Variants in ADAMTS17 observed in about 807,000 individuals in gnomAD.
The protein encoded by ADAMTS17 is A disintegrin and metalloproteinase with thrombospondin motifs 17.
In ADAMTS17, 113 loss-of-function variants were observed where a neutral mutation model predicts 141.5. The ratio of observed to expected loss-of-function variants is 0.80; its 90% CI spans 0.69 to 0.93. The LOEUF is 0.93. Ranked by LOEUF, ADAMTS17 falls within the 40% of genes least tolerant of loss-of-function variation. ADAMTS17 has a pLI of 0.00. For missense variants in ADAMTS17, 1,659 were observed against 1,517.9 expected, an observed-to-expected ratio of 1.09 and a Z score of -1.54; for synonymous variants, 768 against 630.6, an observed-to-expected ratio of 1.22 and a Z score of -3.27.
intron 3 of ADAMTS17, among the ~76,000 whole-genome samples, chr15:100,302,637 T>C (rs979615590): frequency 1.3e-5 from 2 of 152,232 alleles, no homozygotes; most frequent in African/African-American, 2.4e-5. Context: ...ATTTCCCTGA[T>C]GGCTGATGAT....
chr15:100,076,804 A>G (rs76399633), intron 15 of ADAMTS17, among the ~76,000 whole-genome samples: 2,095 of 152,316 alleles, frequency 0.014, 17 homozygotes, highest in Non-Finnish European at 0.02. Context: ...ATAGCATAGT[A>G]TTTTCATATT....
intron 17 of ADAMTS17, 114 bp downstream of exon 17, chr15:100,051,458 C>T (rs12440248): frequency 1.4e-6 from 2 of 1,465,512 alleles, no homozygotes; most frequent in Admixed American, 1.7e-5. Context: ...TGGTTAAATT[C>T]CCATGGAGCT....
At chr15:100,291,830 A>C (rs1239609123) in intron 3 of ADAMTS17, among the ~76,000 whole-genome samples, 1 of 152,242 alleles carries the variant, frequency 6.6e-6, no homozygotes, top group Non-Finnish European at 1.5e-5. Flanking sequence ...CCTATCGGGT[A>C]CTATGCTTAT....
intron 18 of ADAMTS17, among the ~76,000 whole-genome samples, chr15:100,042,916 G>C (rs911634481): frequency 1.3e-5 from 2 of 152,146 alleles, no homozygotes; most frequent in African/African-American, 4.8e-5. Context: ...AAATAAGTGG[G>C]AACTACTGTA....
chr15:100,022,365 G>A (rs1287212870), intron 18 of ADAMTS17, among the ~76,000 whole-genome samples: 11 of 152,144 alleles, frequency 7.2e-5, no homozygotes, highest in Admixed American at 5.9e-4. Flanking sequence ...CTAAACCTCG[G>A]CTCTGGCACA....
rs557772366 is a variant in ADAMTS17 at position 99,979,231 on chromosome 15, A to G, written c.2950-3009T>C. 1.2e-3 allele frequency: 176 copies of G among 152,280 alleles called. 1 individual carries two copies. Among genetic ancestry groups the G allele is most frequent in the Non-Finnish European group, 2.2e-3 (147 of 68,040 alleles). 9.4% of individuals were successfully genotyped at this position (152,280 alleles called of 1,614,324 possible). A position where few individuals can be genotyped will look rare whatever the true frequency, so the allele number is the denominator to read the frequency against. The stretch of plus-strand genomic sequence containing the variant: ...TAGTGAAACCTTGTCTCTACTAAAA[A>G]TACAAAAATTAGCCAGGCGTGGTGG... On this transcript the variant is annotated intron_variant, in intron 20 of 21. Transcript: ENST00000268070.
chr15:100,113,307 C>G (rs8030484), intron 13 of ADAMTS17, among the ~76,000 whole-genome samples: 43,414 of 152,046 alleles, frequency 0.29, 6,289 homozygotes, highest in East Asian at 0.38. Flanking sequence ...TCTGAAAACT[C>G]TAAGTGTTCT....
chr15:100,159,924 G>A (rs1210539162), intron 8 of ADAMTS17, among the ~76,000 whole-genome samples: 1 of 152,174 alleles, frequency 6.6e-6, no homozygotes, highest in Non-Finnish European at 1.5e-5. Context: ...CATAGTTTCA[G>A]GAAGCCACAG....
At chr15:100,252,505 G>C (rs775134835) in intron 7 of ADAMTS17, among the ~76,000 whole-genome samples, 10 of 152,174 alleles carry the variant, frequency 6.6e-5, no homozygotes, top group Admixed American at 1.3e-4. Context: ...GAGGAGCACG[G>C]AGCAGAGGCG....
In ADAMTS17 at chr15:100,130,156, G is replaced by A. The variant is rs1333524193; in HGVS notation, c.1721+1851C>T. 6.6e-5 allele frequency among the ~76,000 whole-genome samples: 10 copies of A among 152,246 alleles called. No homozygotes were observed. The East Asian group carries it at 1.9e-3, about 29-fold the overall frequency. On this transcript the variant is annotated intron_variant, in intron 12 of 21. Coordinates refer to ENST00000268070, the MANE Select transcript of ADAMTS17 (RefSeq NM_139057.4). Reference sequence around the variant, plus strand: ...GAGGTGAGCAGATCACATGAGGTCAGGAGTTCAAGACCAGCCTGGCAACAT... The same window carrying A: ...GAGGTGAGCAGATCACATGAGGTCAAGAGTTCAAGACCAGCCTGGCAACAT...
chr15:100,177,394 T>C (rs948908076), intron 8 of ADAMTS17, among the ~76,000 whole-genome samples: 3 of 152,262 alleles, frequency 2.0e-5, no homozygotes, highest in African/African-American at 7.2e-5. Context: ...ATGAAGTTTC[T>C]TCTCTTATGG....
At chr15:100,021,099 T>C (rs1026276615) in intron 18 of ADAMTS17, among the ~76,000 whole-genome samples, 1 of 152,192 alleles carries the variant, frequency 6.6e-6, no homozygotes, top group Non-Finnish European at 1.5e-5. Flanking sequence ...ATCTATGCCA[T>C]GTTCCTTCAG....
chr15:100,167,136 C>A (rs1299241453), intron 8 of ADAMTS17, among the ~76,000 whole-genome samples: 3 of 152,218 alleles, frequency 2.0e-5, no homozygotes, highest in Admixed American at 6.5e-5. Context: ...AAGTGACTAA[C>A]TGCTAGCACC....
At chr15:100,114,211 A>C (rs1277826558) in intron 13 of ADAMTS17, among the ~76,000 whole-genome samples, 1 of 150,706 alleles carries the variant, frequency 6.6e-6, no homozygotes, top group Non-Finnish European at 1.5e-5. Context: ...ACAAAAATAC[A>C]GCTTCCCTTC....
At chr15:100,135,286 C>CT (rs57372602) in intron 10 of ADAMTS17, among the ~76,000 whole-genome samples, 40,629 of 145,044 alleles carry the variant, frequency 0.28, 6,383 homozygotes, top group East Asian at 0.55. Context: ...AAATTAACAA[C>CT]TTTTTTTTTT....
chr15:100,160,922 ATTACT>A (rs2039663082), intron 8 of ADAMTS17, among the ~76,000 whole-genome samples: 1 of 152,222 alleles, frequency 6.6e-6, no homozygotes, highest in African/African-American at 2.4e-5. Context: ...TAAATTAAAG[ATTACT>A]TTGACTGAGA....
At chr15:100,119,848 T>C (rs1363416093) in intron 12 of ADAMTS17, among the ~76,000 whole-genome samples, 1 of 152,214 alleles carries the variant, frequency 6.6e-6, no homozygotes, top group Non-Finnish European at 1.5e-5. Flanking sequence ...CCTAACCCTC[T>C]GTCCATCTTT....
In ADAMTS17 at chr15:100,155,176, T is replaced by G. The variant is rs773423953; in HGVS notation, c.1322+4A>C. 2 of 1,614,100 alleles carry G rather than the reference T, an allele frequency of 1.2e-6. No individual in the cohort carries two copies. Among genetic ancestry groups the G allele is most frequent in the Non-Finnish European group, 1.7e-6 (2 of 1,180,052 alleles). On this transcript the variant is annotated splice_donor_region_variant and intron_variant, in intron 9 of 21. Coordinates refer to ENST00000268070, the MANE Select transcript of ADAMTS17 (RefSeq NM_139057.4). The stretch of plus-strand genomic sequence containing the variant: ...TCATCCTATAGAATAATTCCAGGAC[T>G]TACTTGAGGAAGTTTTCAAGGTCAT...
In ADAMTS17 at chr15:99,997,875, G is replaced by GT. The variant is rs2060836956; in HGVS notation, c.2592-287dup. Among the ~76,000 whole-genome samples, 1 of 151,984 alleles carries GT rather than the reference G, an allele frequency of 6.6e-6. No homozygotes were observed. The highest frequency in any genetic ancestry group is 2.4e-5 in the African/African-American group (1 of 41,432). On this transcript the variant is annotated intron_variant, in intron 18 of 21. Coordinates refer to ENST00000268070, the MANE Select transcript of ADAMTS17 (RefSeq NM_139057.4). This position sits in a 1 kb window ranked among gnomAD's most constrained non-coding sequence, Gnocchi z 4.7. ...TCACGGCCTCCCTGTAGGGAATTAC[G>GT]TATCTGCTTGTCGTCATAGGACCTG...
Sources: allele counts gnomAD v4.1 joint callset (sites outside exome capture counted in the v4.1 genomes callset), GRCh38; gene constraint gnomAD v4.1.1; non-coding constraint Gnocchi (gnomAD v3.1); transcripts MANE v1.5; gene names NCBI Gene and HGNC (gene_info 2026-07-23, HGNC 2026-07-21).